KIF1A: variants seen among roughly 807,000 people sequenced by gnomAD.
The protein encoded by KIF1A is kinesin family member 1A.
A neutral mutation model predicts 227.3 loss-of-function variants in KIF1A; 46 were observed. That is an observed-to-expected ratio of 0.20 (90% CI 0.16 to 0.26). The LOEUF (loss-of-function observed/expected upper bound fraction) is 0.26, where lower values mean the gene tolerates loss of function less well. Among genes scored for constraint, KIF1A ranks in the 10% least tolerant of loss-of-function variants. The pLI is 1.00. For synonymous variants in KIF1A, 1,022 were observed against 1,012.8 expected, an observed-to-expected ratio of 1.01 and a Z score of -0.17; for missense variants, 1,683 against 2,485.9, an observed-to-expected ratio of 0.68 and a Z score of 6.87.
At chr2:240,781,572 C>G (rs1440391933) in intron 10 of KIF1A, among the ~76,000 whole-genome samples, 1 of 151,730 alleles carries the variant, frequency 6.6e-6, no homozygotes, top group Non-Finnish European at 1.5e-5. Context: ...CGCTTCCTCC[C>G]CACGCCGCCC....
In KIF1A at chr2:240,746,141, G is replaced by A. The variant is rs1036143999; in HGVS notation, c.3100C>T (p.Arg1034Cys). Residue 1034 changes from arginine (R) to cysteine (C), a missense_variant, in exon 30 of 49, where the codon CGC (arginine) becomes TGC (cysteine). Physicochemically the swap from Arg to Cys is radical, Grantham distance 180. This residue lies in a region of KIF1A where 759 missense variants were observed against 1,020.2 expected (regional missense o/e 0.74). Coordinates refer to ENST00000498729, the MANE Select transcript of KIF1A (RefSeq NM_001244008.2). ...AGCTCTTCCTGGGAGGTTCCCGAGCGGGACATCCCCACCACGGGGCAAGAC... is the reference window on the plus strand; with the variant it reads ...AGCTCTTCCTGGGAGGTTCCCGAGCAGGACATCCCCACCACGGGGCAAGAC... ...SESCPVVGMS[R>C]SGTSQEELRI... The A allele has an allele frequency of 5.1e-6, 8 of 1,569,050 alleles. No homozygotes were observed. The South Asian group carries it at 5.9e-5, about 11-fold the overall frequency.
rs1157594394 is a variant in KIF1A, at chr2:240,786,411, C to T, written c.532G>A (p.Val178Met). ...VREHPLLGPY[V>M]EDLSKLAVTS... Reference sequence around the variant, plus strand: ...ACAGCCAGCTTGGAGAGGTCCTCCACGTAGGGCCCCAGCAGTGGGTGCTCC... The same window carrying T: ...ACAGCCAGCTTGGAGAGGTCCTCCATGTAGGGCCCCAGCAGTGGGTGCTCC... The change falls in exon 6 of 49, where the codon GTG becomes ATG. Residue 178 changes from valine (V) to methionine (M), a missense_variant. By Grantham distance (21) the Val-to-Met change is conservative (BLOSUM62 1). Transcript: ENST00000498729. The T allele has an allele frequency of 6.2e-7, 1 of 1,613,662 alleles. No individual in the cohort carries two copies. Among genetic ancestry groups the T allele is most frequent in the Non-Finnish European group, 8.5e-7 (1 of 1,179,770 alleles).
chr2:240,737,026 T>A, intron 38 of KIF1A, 37 bp downstream of exon 38: 1 of 1,522,072 alleles, frequency 6.6e-7, no homozygotes. Context: ...GCTGGGAACA[T>A]GCCCTGGGCC....
chr2:240,753,876 G>A (rs2049512292), intron 27 of KIF1A, among the ~76,000 whole-genome samples: 1 of 152,158 alleles, frequency 6.6e-6, no homozygotes, highest in Admixed American at 6.5e-5. Context: ...GCAAGGGCCT[G>A]CAAGGGACTC....
rs985545337 is a variant in KIF1A, at chr2:240,739,720, C to A, written c.3901+338G>T. Among the ~76,000 whole-genome samples the A allele has an allele frequency of 8.6e-5, 13 of 152,036 alleles. No homozygotes were observed. In the South Asian group the frequency reaches 1.5e-3, roughly 17 times the overall value. ...CCCAACAGGTTTCAGAGAGAGAGAG[C>A]GCGCCTCTTGCCGGCACCTTGATTT... is the stretch of plus-strand genomic sequence containing the variant. On this transcript the variant is annotated intron_variant, in intron 37 of 48. Coordinates refer to ENST00000498729, the MANE Select transcript of KIF1A (RefSeq NM_001244008.2). This position sits in a 1 kb window ranked among gnomAD's most constrained non-coding sequence, Gnocchi z 5.6.
At chr2:240,723,382 G>T in intron 42 of KIF1A, 31 bp downstream of exon 42, 1 of 1,529,706 alleles carries the variant, frequency 6.5e-7, no homozygotes. Context: ...GGACACCACC[G>T]TGCGGGCCTC....
rs934263535 is a variant in KIF1A at position 240,773,029 on chromosome 2, C to A, written c.1180+85G>T. 13 of 1,421,982 alleles carry A rather than the reference C, an allele frequency of 9.1e-6. No individual in the cohort carries two copies. In the African/African-American group the frequency reaches 1.7e-4, roughly 19 times the overall value. The allele number at this position is 1,421,982 out of a possible 1,614,324, so 88.1% of individuals were successfully genotyped here. ...GGTGCAGCCAGCAAAGTGGTGGCCC[C>A]AGGAGAGAGGATGTGATGACCTGCG... On this transcript the variant is annotated intron_variant, in intron 13 of 48. Transcript: ENST00000498729.
Position 240,725,662 on chromosome 2 carries a change from G to A in KIF1A, c.4123-258C>T, listed in dbSNP as rs1472870460. 5.3e-5 allele frequency: 25 copies of A among 472,370 alleles called. No individual in the cohort carries two copies. In the Middle Eastern group the frequency reaches 1.7e-3, roughly 31 times the overall value. The allele number at this position is 472,370 out of a possible 1,614,324, so 29.3% of individuals were successfully genotyped here. ...ACTGGTCTCCATGTGTGGGGACCCC[G>A]AGGGTCCCAGACATAGGCTCACTGC... is the stretch of plus-strand genomic sequence containing the variant. On this transcript the variant is annotated intron_variant, in intron 39 of 48. Coordinates refer to ENST00000498729, the MANE Select transcript of KIF1A (RefSeq NM_001244008.2). The surrounding 1 kb of genome is among the most constrained non-coding windows in gnomAD (Gnocchi z 5.8).
chr2:240,742,066 C>T (rs1475482731), intron 34 of KIF1A, among the ~76,000 whole-genome samples: 2 of 152,248 alleles, frequency 1.3e-5, no homozygotes, highest in Non-Finnish European at 2.9e-5. Context: ...ATACTGCGGG[C>T]CACAAAGCCT....
At chr2:240,755,861 C>G (rs1354579265) in intron 27 of KIF1A, among the ~76,000 whole-genome samples, 1 of 152,126 alleles carries the variant, frequency 6.6e-6, no homozygotes, top group Non-Finnish European at 1.5e-5. Context: ...GGGGCCTGGC[C>G]CTACGGCCCG....
chr2:240,744,523 C>T (rs922806438), intron 32 of KIF1A, among the ~76,000 whole-genome samples: 19 of 152,258 alleles, frequency 1.2e-4, no homozygotes, highest in Non-Finnish European at 2.4e-4. Context: ...ACGGAGTTAA[C>T]GAGAGGTCAT....
chr2:240,761,418 T>C, intron 23 of KIF1A, 41 bp from the exon 24 acceptor site: 1 of 1,527,628 alleles, frequency 6.5e-7, no homozygotes, highest in African/African-American at 1.4e-5. Flanking sequence ...AGGAAGGCCA[T>C]GACCCTGCCC....
chr2:240,747,538 C>T (rs896825057), intron 28 of KIF1A, among the ~76,000 whole-genome samples: 9 of 152,190 alleles, frequency 5.9e-5, no homozygotes, highest in African/African-American at 1.9e-4. Flanking sequence ...AAAGCAGCCA[C>T]GGCCTCATCA....
chr2:240,741,413 G>T (rs766432013), intron 34 of KIF1A, 36 bp from the exon 35 acceptor site: 3 of 1,451,396 alleles, frequency 2.1e-6, no homozygotes, highest in South Asian at 2.7e-5. Flanking sequence ...ATGGATGGGA[G>T]ACCTGACCTA....
rs2049986987 is a variant in KIF1A at position 240,757,435 on chromosome 2, C to A, written c.2742G>T (p.Glu914Asp). 1.3e-6 allele frequency: 2 copies of A among 1,545,520 alleles called. No individual in the cohort carries two copies. The highest frequency in any genetic ancestry group is 1.7e-6 in the Non-Finnish European group (2 of 1,142,988). Residue 914 changes from glutamate to aspartate, a missense_variant, in exon 27 of 49, where the codon GAG becomes GAT. Glu to Asp is a conservative substitution (Grantham distance 45). Coordinates refer to ENST00000498729, the MANE Select transcript of KIF1A (RefSeq NM_001244008.2). The surrounding 1 kb of genome is among the most constrained non-coding windows in gnomAD (Gnocchi z 6.2). ...CCTCCTCCTCCTCATCCTCCTCCTC[C>A]TCCTCCTCCTCCTCCTCCTCCCCCA... Reference protein sequence around the residue: ...QSVGEEEEEEEEEEDEEEEDL... With the variant: ...QSVGEEEEEEDEEEDEEEEDL...
intron 28 of KIF1A, 126 bp from the exon 29 acceptor site, chr2:240,747,447 CT>C: frequency 3.1e-6 from 2 of 651,540 alleles, no homozygotes; most frequent in Non-Finnish European, 5.3e-6. Flanking sequence ...CAGCAGACCC[CT>C]GACCGAATCT....
intron 38 of KIF1A, 55 bp downstream of exon 38, chr2:240,737,008 C>A (rs1240981399): frequency 1.4e-6 from 2 of 1,431,236 alleles, no homozygotes; most frequent in Non-Finnish European, 2.0e-6. Context: ...TGGCTGAGGG[C>A]CTGGCAGGCT....
intron 29 of KIF1A, among the ~76,000 whole-genome samples, chr2:240,746,608 G>A (rs2048626466): frequency 6.6e-6 from 1 of 152,198 alleles, no homozygotes; most frequent in African/African-American, 2.4e-5. Context: ...CAGGGAGTAG[G>A]GCACCCAGGT....
chr2:240,773,908 G>A (rs368649584), intron 12 of KIF1A, among the ~76,000 whole-genome samples: 8 of 152,114 alleles, frequency 5.3e-5, no homozygotes, highest in African/African-American at 1.9e-4. Context: ...AAACTGCTTC[G>A]CCCAGCAGGC....
Sources: gnomAD v4.1 joint callset for allele counts (sites outside exome capture counted in the v4.1 genomes callset) on GRCh38, gnomAD v4.1.1 for gene constraint, gnomAD v4.1.1 regional missense constraint, Gnocchi (gnomAD v3.1) non-coding constraint, MANE v1.5 for transcripts, NCBI Gene and HGNC (gene_info 2026-07-23, HGNC 2026-07-21) for gene names.